IGF1: variants seen among roughly 807,000 people sequenced by gnomAD.
IGF1 encodes insulin-like growth factor 1.
A neutral mutation model predicts 13.8 loss-of-function variants in IGF1; 4 were observed. The observed-to-expected ratio is 0.29, with a 90% CI of 0.14 to 0.66. The LOEUF (loss-of-function observed/expected upper bound fraction) is 0.66, where lower values mean the gene tolerates loss of function less well. IGF1 is among the 30% of genes least tolerant of loss of function. IGF1 has a pLI of 0.78. For synonymous variants in IGF1, 76 were observed against 72.6 expected (o/e 1.05, Z -0.23); for missense variants, 124 against 188.5 (o/e 0.66, Z 2.00).
At position 102,399,190 on chromosome 12, in the gene IGF1, A is replaced by G. The variant is rs1169689874; in HGVS notation, c.*3317T>C. 7 of 151,586 alleles carry G rather than the reference A, an allele frequency of 4.6e-5. No homozygotes were observed. The East Asian group carries it at 1.4e-3, about 29-fold the overall frequency. 9.4% of individuals were successfully genotyped at this position (151,586 alleles called of 1,614,324 possible). ...TGTTAAGAGATTTTCATATCCCTAG[A>G]AGAGTGGATTCTGATGGAGAGCTGC... On this transcript the variant is annotated 3_prime_UTR_variant, in exon 4 of 4. Coordinates refer to ENST00000337514, the MANE Select transcript of IGF1 (RefSeq NM_000618.5).
intron 2 of IGF1, among the ~76,000 whole-genome samples, chr12:102,456,033 C>G (rs1459611009): frequency 6.6e-6 from 1 of 152,092 alleles, no homozygotes; most frequent in African/African-American, 2.4e-5. Context: ...TCATTATGCT[C>G]AGTGTTAATA....
chr12:102,405,173 T>G (rs1010672499), intron 3 of IGF1, among the ~76,000 whole-genome samples: 2 of 151,534 alleles, frequency 1.3e-5, no homozygotes, highest in Non-Finnish European at 2.9e-5. Flanking sequence ...CTGCAACCTT[T>G]GCCTCCCAGT....
chr12:102,452,583 G>T (rs1879059399), intron 2 of IGF1, among the ~76,000 whole-genome samples: 1 of 152,180 alleles, frequency 6.6e-6, no homozygotes, highest in Non-Finnish European at 1.5e-5. Context: ...TTACAAAACT[G>T]TAGGCCATTC....
chr12:102,412,245 G>A (rs899434929), intron 3 of IGF1, among the ~76,000 whole-genome samples: 2 of 152,128 alleles, frequency 1.3e-5, no homozygotes, highest in African/African-American at 4.8e-5. Flanking sequence ...AAGGAATCCT[G>A]CAGTTTTTAC....
At chr12:102,433,926 G>A (rs1876969994) in intron 2 of IGF1, among the ~76,000 whole-genome samples, 1 of 152,102 alleles carries the variant, frequency 6.6e-6, no homozygotes, top group African/African-American at 2.4e-5. Flanking sequence ...CACAGAGCAA[G>A]CACTCCCAGA....
At chr12:102,476,378 C>G (rs907377668) in intron 1 of IGF1, among the ~76,000 whole-genome samples, 3 of 147,754 alleles carry the variant, frequency 2.0e-5, no homozygotes, top group African/African-American at 7.4e-5. Context: ...TATATCATCA[C>G]AGGGTTTTGT....
chr12:102,441,956 T>TTCTTCTTCTTCTTCTTCTTCTTCTTC (rs1491200329), intron 2 of IGF1, among the ~76,000 whole-genome samples: 3 of 140,486 alleles, frequency 2.1e-5, no homozygotes, highest in African/African-American at 5.4e-5. Context: ...CTTCTTCTTC[T>TTCTTCTTCTTCTTCTTCTTCTTCTTC]TTTTTTTTTT....
rs980419318 is a variant in IGF1, at chr12:102,400,632, T to C, written c.*1875A>G. 6 of 152,200 alleles carry C rather than the reference T, an allele frequency of 3.9e-5. No individual in the cohort carries two copies. The highest frequency in any genetic ancestry group is 2.1e-4 in the South Asian group (1 of 4,836). 9.4% of individuals were successfully genotyped at this position (152,200 alleles called of 1,614,324 possible). A position where few individuals can be genotyped will look rare whatever the true frequency, so the allele number is the denominator to read the frequency against. On this transcript the variant is annotated 3_prime_UTR_variant, in exon 4 of 4. Transcript: ENST00000337514. ...TAACTTTGTGACTTTTTATTAGATA[T>C]TATTTTAATATTTCAAATTTTGGAT...
At chr12:102,415,156 AG>A (rs1450243872) in intron 3 of IGF1, among the ~76,000 whole-genome samples, 1 of 152,170 alleles carries the variant, frequency 6.6e-6, no homozygotes, top group Non-Finnish European at 1.5e-5. Context: ...GTAGGAGAAT[AG>A]GAATCATTTC....
chr12:102,407,440 A>G (rs1432274814), intron 3 of IGF1, among the ~76,000 whole-genome samples: 1 of 152,208 alleles, frequency 6.6e-6, no homozygotes, highest in Non-Finnish European at 1.5e-5. Context: ...TGTTTCCTAT[A>G]CTTCTCTCAG....
chr12:102,456,440 G>T (rs1473875085), intron 2 of IGF1, among the ~76,000 whole-genome samples: 2 of 152,160 alleles, frequency 1.3e-5, no homozygotes, highest in Non-Finnish European at 2.9e-5. Context: ...ATAATATTTT[G>T]TCAGAAGTTT....
rs966716608 is a variant in IGF1, at chr12:102,396,817, G to C, written c.*5690C>G. The C allele has an allele frequency of 5.0e-6, 2 of 396,904 alleles. No individual in the cohort carries two copies. Among genetic ancestry groups the C allele is most frequent in the Non-Finnish European group, 4.4e-6 (1 of 225,500 alleles). 24.6% of individuals were successfully genotyped at this position (396,904 alleles called of 1,614,324 possible). A position where few individuals can be genotyped will look rare whatever the true frequency, so the allele number is the denominator to read the frequency against. On this transcript the variant is annotated 3_prime_UTR_variant, in exon 4 of 4. Coordinates refer to ENST00000337514, the MANE Select transcript of IGF1 (RefSeq NM_000618.5). ...TTTTTTTTTTACTTTAAAAAAGCTT[G>C]GATTTTTTTCCCCTTGAAAGACCCC...
intron 2 of IGF1, among the ~76,000 whole-genome samples, chr12:102,461,955 C>A (rs1403547542): frequency 6.6e-6 from 1 of 152,156 alleles, no homozygotes; most frequent in Non-Finnish European, 1.5e-5. Flanking sequence ...TTACTTCCTG[C>A]CATTCTCTAG....
chr12:102,455,673 G>T (rs1248503516), intron 2 of IGF1, among the ~76,000 whole-genome samples: 3 of 152,140 alleles, frequency 2.0e-5, no homozygotes, highest in Non-Finnish European at 2.9e-5. Context: ...CCTCCATGAG[G>T]CAAGTTGGGC....
At chr12:102,429,297 C>T (rs1267023578) in intron 2 of IGF1, among the ~76,000 whole-genome samples, 1 of 151,980 alleles carries the variant, frequency 6.6e-6, no homozygotes. Context: ...TATATTATTG[C>T]TTAAACATGA....
intron 1 of IGF1, among the ~76,000 whole-genome samples, chr12:102,479,196 G>A (rs557541950): frequency 6.6e-6 from 1 of 152,300 alleles, no homozygotes; most frequent in Non-Finnish European, 1.5e-5. Flanking sequence ...TGCATGTGTT[G>A]GCATCTCAGG....
intron 3 of IGF1, among the ~76,000 whole-genome samples, chr12:102,410,929 TA>T (rs1171161986): frequency 2.0e-5 from 3 of 152,214 alleles, no homozygotes; most frequent in African/African-American, 7.2e-5. Flanking sequence ...CTTCAGCATA[TA>T]AAAGTAAACA....
chr12:102,435,043 T>A (rs926578526), intron 2 of IGF1, among the ~76,000 whole-genome samples: 20 of 152,256 alleles, frequency 1.3e-4, no homozygotes, highest in Admixed American at 3.9e-4. Flanking sequence ...TACACATTTT[T>A]AAAATACAGT....
intron 2 of IGF1, among the ~76,000 whole-genome samples, chr12:102,448,220 C>T (rs1203326576): frequency 2.0e-5 from 3 of 147,610 alleles, no homozygotes; most frequent in Non-Finnish European, 3.0e-5. Context: ...AATCATGCTG[C>T]TATAAAGACA....
Sources: gnomAD v4.1 joint callset for allele counts (sites outside exome capture counted in the v4.1 genomes callset) on GRCh38, gnomAD v4.1.1 for gene constraint, MANE v1.5 for transcripts, NCBI Gene and HGNC (gene_info 2026-07-23, HGNC 2026-07-21) for gene names.